Variants in TRPM3 observed in about 807,000 individuals in gnomAD.
TRPM3 encodes the protein transient receptor potential cation channel subfamily M member 3.
TRPM3 carries 77 observed loss-of-function variants against 181.2 expected under a neutral mutation model. The ratio of observed to expected loss-of-function variants is 0.42; its 90% CI spans 0.35 to 0.51. The LOEUF (loss-of-function observed/expected upper bound fraction) is 0.51, where lower values mean the gene tolerates loss of function less well. Among genes scored for constraint, TRPM3 ranks in the 20% least tolerant of loss-of-function variants. The pLI, the probability that TRPM3 is intolerant of heterozygous loss-of-function variation, is 0.01. For missense variants in TRPM3, 1,759 were observed against 2,196.7 expected (o/e 0.80, Z 3.98); for synonymous variants, 745 against 796.4 (o/e 0.94, Z 1.09).
intron 1 of TRPM3, among the ~76,000 whole-genome samples, chr9:71,048,641 C>A (rs1332437097): frequency 6.6e-6 from 1 of 152,182 alleles, no homozygotes; most frequent in Non-Finnish European, 1.5e-5. Flanking sequence ...TCCACTCACC[C>A]CATTTGATTC....
chr9:71,336,842 A>G (rs1042484712), intron 1 of TRPM3, among the ~76,000 whole-genome samples: 1 of 152,228 alleles, frequency 6.6e-6, no homozygotes, highest in Non-Finnish European at 1.5e-5. Context: ...GACAAAAACA[A>G]GCAATGGGGA....
chr9:71,287,590 T>C (rs552325582), intron 1 of TRPM3, among the ~76,000 whole-genome samples: 1 of 147,916 alleles, frequency 6.8e-6, no homozygotes, highest in African/African-American at 2.5e-5. Context: ...GACTTCAATG[T>C]ACAAAAAAAC....
intron 1 of TRPM3, among the ~76,000 whole-genome samples, chr9:71,350,044 T>C (rs530941374): frequency 6.6e-6 from 1 of 150,632 alleles, no homozygotes; most frequent in East Asian, 1.9e-4. Flanking sequence ...AAAATTAACA[T>C]TTGCTCTGAC....
At chr9:70,635,148 ACT>A (rs1388315023) in intron 12 of TRPM3, 61 bp downstream of exon 12, 4 of 1,458,760 alleles carry the variant, frequency 2.7e-6, no homozygotes, top group South Asian at 1.2e-5. Flanking sequence ...AAACAGAGGC[ACT>A]CTCTAATCAC....
At chr9:71,311,817 A>G (rs766828421) in intron 1 of TRPM3, among the ~76,000 whole-genome samples, 6 of 151,950 alleles carry the variant, frequency 3.9e-5, no homozygotes, top group Non-Finnish European at 8.8e-5. Flanking sequence ...ATATAAAAAT[A>G]AAAAAACAAA....
chr9:70,700,078 G>T (rs1357708442), intron 8 of TRPM3, among the ~76,000 whole-genome samples: 1 of 152,166 alleles, frequency 6.6e-6, no homozygotes, highest in African/African-American at 2.4e-5. Context: ...CGCCTCCCGG[G>T]TTCAAGCGAT....
chr9:71,265,592 G>C (rs2083335110), intron 1 of TRPM3, among the ~76,000 whole-genome samples: 1 of 152,044 alleles, frequency 6.6e-6, no homozygotes, highest in African/African-American at 2.4e-5. Context: ...TCCTTATCCT[G>C]TCACTTGTTT....
chr9:70,606,647 GTGTGTATATA>G (rs1294687649), intron 19 of TRPM3, among the ~76,000 whole-genome samples: 1 of 85,220 alleles, frequency 1.2e-5, no homozygotes, highest in African/African-American at 3.3e-5. Flanking sequence ...GTGTGTGTGT[GTGTGTATATA>G]TATATATATA....
intron 1 of TRPM3, among the ~76,000 whole-genome samples, chr9:70,952,575 G>C (rs2097015625): frequency 6.6e-6 from 1 of 152,190 alleles, no homozygotes; most frequent in South Asian, 2.1e-4. Context: ...TCAGTTTTTG[G>C]AGGAGCTTAA....
chr9:70,912,313 G>A (rs544495989), intron 1 of TRPM3, among the ~76,000 whole-genome samples: 2 of 152,192 alleles, frequency 1.3e-5, no homozygotes, highest in South Asian at 4.1e-4. Context: ...TTGGCTAAAG[G>A]CTAAACAACT....
At chr9:70,990,367 G>A (rs1050401197) in intron 1 of TRPM3, among the ~76,000 whole-genome samples, 1 of 152,134 alleles carries the variant, frequency 6.6e-6, no homozygotes, top group Non-Finnish European at 1.5e-5. Context: ...AAATGAATGA[G>A]ATTGCCTGCT....
chr9:70,559,062 T>C (rs2048415185), intron 22 of TRPM3, among the ~76,000 whole-genome samples: 1 of 152,240 alleles, frequency 6.6e-6, no homozygotes, highest in Non-Finnish European at 1.5e-5. Context: ...AGCCTTCCAA[T>C]GGTTGAAATG....
intron 1 of TRPM3, among the ~76,000 whole-genome samples, chr9:71,287,574 CT>C (rs2085401835): frequency 6.6e-6 from 1 of 151,298 alleles, no homozygotes. Context: ...CAAAATTCAA[CT>C]GCTGGACTTC....
chr9:71,306,392 G>A (rs911985819), intron 1 of TRPM3, among the ~76,000 whole-genome samples: 6 of 151,834 alleles, frequency 4.0e-5, no homozygotes, highest in Admixed American at 3.3e-4. Context: ...TGCTTTCCTA[G>A]GATCTTTGTT....
chr9:70,546,091 A>T (rs2044801941), intron 25 of TRPM3, among the ~76,000 whole-genome samples: 1 of 152,198 alleles, frequency 6.6e-6, no homozygotes, highest in Non-Finnish European at 1.5e-5. Flanking sequence ...CTTTGGGTAC[A>T]AGCAATCTGT....
At chr9:70,955,865 G>A (rs543989077) in intron 1 of TRPM3, among the ~76,000 whole-genome samples, 8 of 152,238 alleles carry the variant, frequency 5.3e-5, no homozygotes, top group African/African-American at 1.4e-4. Flanking sequence ...TGGTAACCAC[G>A]AGCTCACTGG....
chr9:70,789,070 GT>G (rs1015095646), intron 6 of TRPM3, among the ~76,000 whole-genome samples: 13 of 150,648 alleles, frequency 8.6e-5, no homozygotes, highest in Middle Eastern at 3.2e-3. Context: ...TTTCTTTCTT[GT>G]TTTTTTTTCT....
rs1367658479 is a variant in TRPM3, at chr9:71,372,398, GA to G, written c.183+74254del. Among the ~76,000 whole-genome samples, 3 of 152,156 alleles carry G rather than the reference GA, an allele frequency of 2.0e-5. No homozygotes were observed. The South Asian group carries it at 6.2e-4, about 32-fold the overall frequency. ...GTATTTCTACCTCCATGCCTTTCAG[GA>G]ATCACCACACTGTCTTCCACAATAG... On this transcript the variant is annotated intron_variant, in intron 1 of 24. Coordinates refer to the TRPM3 transcript ENST00000357533.
chr9:71,281,163 C>A (rs1394505079), intron 1 of TRPM3, among the ~76,000 whole-genome samples: 1 of 152,108 alleles, frequency 6.6e-6, no homozygotes, highest in Non-Finnish European at 1.5e-5. Context: ...AAAGCAAAGT[C>A]GGGAGGTGTG....
Sources: allele counts gnomAD v4.1 joint callset (sites outside exome capture counted in the v4.1 genomes callset), GRCh38; gene constraint gnomAD v4.1.1; transcripts MANE v1.5; gene names NCBI Gene and HGNC (gene_info 2026-07-23, HGNC 2026-07-21).